Variants in SNTG1 observed in about 807,000 individuals in gnomAD.
SNTG1 encodes the protein syntrophin gamma 1.
A neutral mutation model predicts 74.7 loss-of-function variants in SNTG1; 39 were observed. The observed-to-expected ratio is 0.52, with a 90% CI of 0.40 to 0.68. The LOEUF is 0.68. Ranked by LOEUF, SNTG1 falls within the 30% of genes least tolerant of loss-of-function variation. The pLI, the probability that SNTG1 is intolerant of heterozygous loss-of-function variation, is 0.00. For missense variants in SNTG1, 685 were observed against 609.5 expected (o/e 1.12, Z -1.30); for synonymous variants, 254 against 217.1 (o/e 1.17, Z -1.49).
At chr8:49,983,898 G>A (rs1391751773) in intron 1 of SNTG1, among the ~76,000 whole-genome samples, 13 of 152,332 alleles carry the variant, frequency 8.5e-5, no homozygotes, top group African/African-American at 3.1e-4. Flanking sequence ...AGATGAATGG[G>A]GGGTACTGTT....
At chr8:50,680,401 A>G (rs141890633) in intron 15 of SNTG1, among the ~76,000 whole-genome samples, 78 of 152,304 alleles carry the variant, frequency 5.1e-4, no homozygotes, top group East Asian at 4.4e-3. Flanking sequence ...ACTTAGGGGC[A>G]TATAGCTGAT....
At chr8:50,257,472 C>T (rs1458820116) in intron 2 of SNTG1, among the ~76,000 whole-genome samples, 1 of 152,128 alleles carries the variant, frequency 6.6e-6, no homozygotes, top group Admixed American at 6.5e-5. Context: ...ACAGCTCTCC[C>T]TAAGTGAAGT....
chr8:50,157,699 C>A (rs756748306), intron 1 of SNTG1, among the ~76,000 whole-genome samples: 1 of 151,940 alleles, frequency 6.6e-6, no homozygotes, highest in Non-Finnish European at 1.5e-5. Context: ...ATCATTAAAA[C>A]GGAGGTAAAA....
chr8:50,033,108 C>T (rs1392266053), intron 1 of SNTG1, among the ~76,000 whole-genome samples: 1 of 150,974 alleles, frequency 6.6e-6, no homozygotes, highest in African/African-American at 2.5e-5. Context: ...AGGAACTATG[C>T]AATAAAAAGT....
At chr8:50,075,516 G>A (rs937961427) in intron 1 of SNTG1, among the ~76,000 whole-genome samples, 3 of 152,120 alleles carry the variant, frequency 2.0e-5, no homozygotes, top group Non-Finnish European at 4.4e-5. Context: ...CCGTCAAAAC[G>A]GACCAATCAG....
At chr8:50,536,138 G>T (rs1422639659) in intron 10 of SNTG1, among the ~76,000 whole-genome samples, 1 of 152,130 alleles carries the variant, frequency 6.6e-6, no homozygotes, top group Non-Finnish European at 1.5e-5. Flanking sequence ...AACTTTTTAT[G>T]AACATGAAGT....
At chr8:50,121,233 T>C (rs2080989427) in intron 1 of SNTG1, among the ~76,000 whole-genome samples, 1 of 141,860 alleles carries the variant, frequency 7.0e-6, no homozygotes, top group Non-Finnish European at 1.6e-5. Context: ...AAGACTAATT[T>C]TGGCCTCTGA....
chr8:50,582,217 A>G (rs1187919158), intron 12 of SNTG1, among the ~76,000 whole-genome samples: 1 of 152,150 alleles, frequency 6.6e-6, no homozygotes, highest in Non-Finnish European at 1.5e-5. Flanking sequence ...GTTAAACTTC[A>G]AATTCATGAG....
chr8:50,346,076 G>C (rs1409555241), intron 2 of SNTG1, among the ~76,000 whole-genome samples: 2 of 152,114 alleles, frequency 1.3e-5, no homozygotes, highest in African/African-American at 4.8e-5. Flanking sequence ...AAGCAAAATG[G>C]TATTCCAACT....
intron 17 of SNTG1, among the ~76,000 whole-genome samples, chr8:50,751,251 G>GT (rs1440448466): frequency 2.0e-5 from 3 of 151,874 alleles, no homozygotes; most frequent in African/African-American, 7.2e-5. Flanking sequence ...TATATCTTTG[G>GT]TGTTTTACTT....
chr8:50,215,471 T>C (rs1354855625), intron 2 of SNTG1, among the ~76,000 whole-genome samples: 1 of 142,206 alleles, frequency 7.0e-6, no homozygotes, highest in African/African-American at 2.5e-5. Flanking sequence ...ATAATATATA[T>C]ATATAGACTA....
chr8:50,422,270 A>ATCTATCTATCTATCTGTCTATCTAT (rs61696608), intron 4 of SNTG1, among the ~76,000 whole-genome samples: 2 of 151,582 alleles, frequency 1.3e-5, no homozygotes, highest in African/African-American at 2.4e-5. Flanking sequence ...CTATCTATCT[A>ATCTATCTATCTATCTGTCTATCTAT]CTATCTATCT....
chr8:50,608,963 T>C (rs955410289), intron 13 of SNTG1, among the ~76,000 whole-genome samples: 6 of 152,156 alleles, frequency 3.9e-5, no homozygotes, highest in African/African-American at 1.4e-4. Context: ...TTTGGAATTA[T>C]ATAAATATTT....
chr8:49,920,261 T>C (rs1272533401), intron 1 of SNTG1, among the ~76,000 whole-genome samples: 1 of 152,090 alleles, frequency 6.6e-6, no homozygotes, highest in African/African-American at 2.4e-5. Context: ...AATACTATTT[T>C]CTCACATTCT....
At chr8:50,296,866 G>T (rs2089404978) in intron 2 of SNTG1, among the ~76,000 whole-genome samples, 1 of 152,130 alleles carries the variant, frequency 6.6e-6, no homozygotes, top group Admixed American at 6.6e-5. Flanking sequence ...CACATTTGAG[G>T]AAATTAGTTA....
At chr8:50,578,951 TG>T (rs1223834868) in intron 12 of SNTG1, among the ~76,000 whole-genome samples, 1 of 152,086 alleles carries the variant, frequency 6.6e-6, no homozygotes, top group African/African-American at 2.4e-5. Context: ...GGAAGTGACT[TG>T]GGAGCTGGGT....
At chr8:50,392,888 G>A (rs1195309179) in intron 2 of SNTG1, among the ~76,000 whole-genome samples, 6 of 152,024 alleles carry the variant, frequency 3.9e-5, no homozygotes, top group Non-Finnish European at 8.8e-5. Context: ...ATATTTAGAT[G>A]GTTCAGTATC....
chr8:50,524,870 AT>A (rs1160614847), intron 9 of SNTG1, among the ~76,000 whole-genome samples: 2 of 152,050 alleles, frequency 1.3e-5, no homozygotes, highest in East Asian at 3.9e-4. Flanking sequence ...CTGTATAGTT[AT>A]TTTTCACAGT....
At chr8:50,254,911 TCTG>T (rs1372287644) in intron 2 of SNTG1, among the ~76,000 whole-genome samples, 2 of 149,548 alleles carry the variant, frequency 1.3e-5, no homozygotes, top group Non-Finnish European at 3.0e-5. Context: ...GCGCAAGACT[TCTG>T]CTGCTGGAGG....
Sources: allele counts gnomAD v4.1 joint callset (sites outside exome capture counted in the v4.1 genomes callset), GRCh38; gene constraint gnomAD v4.1.1; transcripts MANE v1.5; gene names NCBI Gene and HGNC (gene_info 2026-07-23, HGNC 2026-07-21).